KLF12: variants seen among roughly 807,000 people sequenced by gnomAD.
KLF12 encodes Krueppel-like factor 12.
KLF12 carries 9 observed loss-of-function variants against 37.8 expected under a neutral mutation model. That is an observed-to-expected ratio of 0.24 (90% CI 0.14 to 0.42). The LOEUF is 0.42. Among genes scored for constraint, KLF12 ranks in the 10% least tolerant of loss-of-function variants. The pLI is 1.00. For synonymous variants in KLF12, 208 were observed against 202.1 expected (o/e 1.03, Z -0.25); for missense variants, 411 against 516.0 (o/e 0.80, Z 1.97).
intron 3 of KLF12, among the ~76,000 whole-genome samples, chr13:73,902,593 A>G (rs1411780593): frequency 6.6e-6 from 1 of 152,218 alleles, no homozygotes; most frequent in Non-Finnish European, 1.5e-5. Context: ...GTGTTACTTT[A>G]TTTAGGAGAA....
the KLF12 span, among the ~76,000 whole-genome samples, chr13:74,221,132 G>A: frequency 1.5e-4 from 23 of 151,944 alleles, no homozygotes; most frequent in Admixed American, 6.5e-4. Context: ...AGCCTGCGGA[G>A]TAGCTGGGAC....
At chr13:73,820,617 T>C (rs892839818) in intron 4 of KLF12, among the ~76,000 whole-genome samples, 2 of 152,242 alleles carry the variant, frequency 1.3e-5, no homozygotes, top group African/African-American at 4.8e-5. Flanking sequence ...CAGATGACTA[T>C]TTAAAAGTTC....
At chr13:73,771,030 T>A (rs1214727723) in intron 5 of KLF12, among the ~76,000 whole-genome samples, 1 of 152,068 alleles carries the variant, frequency 6.6e-6, no homozygotes, top group Non-Finnish European at 1.5e-5. Flanking sequence ...TCTCCCACCA[T>A]CCCCACTTGC....
chr13:73,861,856 T>G (rs897514020), intron 3 of KLF12, among the ~76,000 whole-genome samples: 71 of 152,172 alleles, frequency 4.7e-4, no homozygotes, highest in African/African-American at 1.5e-3. Flanking sequence ...TTGTGACATC[T>G]TAGCATGTAG....
intron 4 of KLF12, among the ~76,000 whole-genome samples, chr13:73,827,596 T>C (rs1312827548): frequency 2.0e-5 from 3 of 152,232 alleles, no homozygotes; most frequent in African/African-American, 7.2e-5. Flanking sequence ...AGAGTCTCTG[T>C]CACCCAGGCT....
At chr13:73,814,226 G>T (rs919915787) in intron 4 of KLF12, among the ~76,000 whole-genome samples, 6 of 152,162 alleles carry the variant, frequency 3.9e-5, no homozygotes, top group African/African-American at 1.4e-4. Context: ...TTGTATGGCT[G>T]CCTAAGATTT....
At chr13:73,968,236 A>T (rs2138084412) in intron 2 of KLF12, among the ~76,000 whole-genome samples, 1 of 152,330 alleles carries the variant, frequency 6.6e-6, no homozygotes, top group South Asian at 2.1e-4. Context: ...TGAGAAAAAT[A>T]AGTCAGCTAA....
intron 4 of KLF12, among the ~76,000 whole-genome samples, chr13:73,821,211 C>G (rs1385249745): frequency 7.0e-6 from 1 of 143,372 alleles, no homozygotes; most frequent in Non-Finnish European, 1.6e-5. Flanking sequence ...GCTACCTATT[C>G]TTTTCTGTCT....
chr13:74,187,683 T>C, the KLF12 span, among the ~76,000 whole-genome samples: 1 of 152,178 alleles, frequency 6.6e-6, no homozygotes, highest in Non-Finnish European at 1.5e-5. Flanking sequence ...GCCCTAGGGA[T>C]GACTGGGGGC....
At chr13:73,892,273 G>C (rs1273588258) in intron 3 of KLF12, among the ~76,000 whole-genome samples, 1 of 152,090 alleles carries the variant, frequency 6.6e-6, no homozygotes, top group Admixed American at 6.6e-5. Context: ...AAGGCAAAGA[G>C]AGTAAAACTA....
chr13:74,072,705 C>A (rs745351695), intron 1 of KLF12, among the ~76,000 whole-genome samples: 7 of 152,134 alleles, frequency 4.6e-5, no homozygotes, highest in East Asian at 3.9e-4. Flanking sequence ...CAGAGCAAGA[C>A]CCCATTTCTG....
the KLF12 span, among the ~76,000 whole-genome samples, chr13:74,266,032 G>A: frequency 6.6e-6 from 1 of 152,124 alleles, no homozygotes; most frequent in South Asian, 2.1e-4. Context: ...GCTTAATTAG[G>A]CGGTGCCTCC....
the KLF12 span, among the ~76,000 whole-genome samples, chr13:74,148,403 CTTT>C: frequency 9.5e-5 from 7 of 73,480 alleles, no homozygotes; most frequent in African/African-American, 1.6e-4. Flanking sequence ...CAAAACTGCT[CTTT>C]TTTTTTTTTT....
chr13:73,996,103 T>A (rs1421329583), intron 1 of KLF12, among the ~76,000 whole-genome samples: 1 of 152,198 alleles, frequency 6.6e-6, no homozygotes, highest in East Asian at 1.9e-4. Context: ...CTCCATAGGC[T>A]TGACCAGTGA....
intron 2 of KLF12, among the ~76,000 whole-genome samples, chr13:73,953,435 C>T (rs1428165852): frequency 6.6e-6 from 1 of 152,042 alleles, no homozygotes; most frequent in Non-Finnish European, 1.5e-5. Flanking sequence ...ATACAAATTG[C>T]TATTTGCCAA....
the KLF12 span, among the ~76,000 whole-genome samples, chr13:74,151,477 C>A: frequency 4.5e-4 from 69 of 151,974 alleles, no homozygotes; most frequent in African/African-American, 1.6e-3. Flanking sequence ...AATGCGAAAA[C>A]CTGTGTCTAC....
intron 1 of KLF12, among the ~76,000 whole-genome samples, chr13:74,036,567 T>C (rs1248067677): frequency 6.6e-6 from 1 of 152,190 alleles, no homozygotes; most frequent in African/African-American, 2.4e-5. Flanking sequence ...AAGATTTTTC[T>C]ATCCAGATGA....
chr13:74,077,986 G>C (rs925429277), intron 1 of KLF12, among the ~76,000 whole-genome samples: 4 of 152,142 alleles, frequency 2.6e-5, no homozygotes, highest in Non-Finnish European at 5.9e-5. Flanking sequence ...CAAACTGGTG[G>C]CCTGGCTTCT....
At chr13:74,095,372 T>C (rs1355211092) in intron 1 of KLF12, among the ~76,000 whole-genome samples, 1 of 145,434 alleles carries the variant, frequency 6.9e-6, no homozygotes, top group Admixed American at 7.0e-5. Flanking sequence ...TGAATACTTG[T>C]AGTGCCTTTT....
Sources: allele counts gnomAD v4.1 joint callset (sites outside exome capture counted in the v4.1 genomes callset), GRCh38; gene constraint gnomAD v4.1.1; transcripts MANE v1.5; gene names NCBI Gene and HGNC (gene_info 2026-07-23, HGNC 2026-07-21).